The following TENM1 variants were observed in gnomAD, a reference collection of about 807,000 sequenced individuals.
The protein encoded by TENM1 is teneurin-1.
TENM1 carries 35 observed loss-of-function variants against 174.8 expected under a neutral mutation model. The ratio of observed to expected loss-of-function variants is 0.20; its 90% CI spans 0.15 to 0.27. TENM1 has a LOEUF of 0.27. TENM1 is among the 10% of genes least tolerant of loss of function. The pLI is 1.00. For synonymous variants in TENM1, 781 were observed against 798.7 expected (o/e 0.98, Z 0.37); for missense variants, 1,633 against 2,130.1 (o/e 0.77, Z 4.59).
intron 4 of TENM1, among the ~76,000 whole-genome samples, chrX:124,713,539 A>C (rs915796031): frequency 1.9e-4 from 21 of 112,335 alleles, no homozygotes; most frequent in Non-Finnish European, 3.4e-4. Context: ...AAGTGCTGGG[A>C]TTACAGGCGT....
At chrX:124,565,343 A>T (rs761903969) in intron 12 of TENM1, 32 bp downstream of exon 15, 3 of 1,103,646 alleles carry the variant, frequency 2.7e-6, no homozygotes, top group Admixed American at 2.4e-5. Flanking sequence ...AACTAATCCA[A>T]CTTACTTTGG....
chrX:125,170,244 C>G, the TENM1 span, among the ~76,000 whole-genome samples: 1 of 110,821 alleles, frequency 9.0e-6, no homozygotes, highest in Non-Finnish European at 1.9e-5. Context: ...GAGGGAGAAG[C>G]GAGTAGACAC....
the TENM1 span, among the ~76,000 whole-genome samples, chrX:125,039,825 C>CTTTTTTTTTTTTTTTTTTTTTTTTTTT: frequency 1.1e-4 from 12 of 111,385 alleles, no homozygotes; most frequent in African/African-American, 3.3e-4. Context: ...TGAGCCTTTT[C>CTTTTTTTTTTTTTTTTTTTTTTTTTTT]TTATTAACCT....
rs909258468 is a variant in TENM1 at position 124,452,442 on chromosome X, C to T, written c.4104+895G>A. Among the ~76,000 whole-genome samples, 33 of 112,099 alleles carry T rather than the reference C, an allele frequency of 2.9e-4. 1 individual carries two copies. Among genetic ancestry groups the T allele is most frequent in the African/African-American group, 1.0e-3 (32 of 30,825 alleles). On this transcript the variant is annotated intron_variant, in intron 23 of 31. Coordinates refer to ENST00000422452, the Ensembl canonical transcript of TENM1. ...TTGGTGGGACTGTCAACTGGTTCAA[C>T]CAGTGTGGAAGTCAGTGTGGTGATT... is the stretch of plus-strand genomic sequence containing the variant.
intron 6 of TENM1, among the ~76,000 whole-genome samples, chrX:124,655,879 CA>C (rs2051428283): frequency 9.0e-6 from 1 of 111,730 alleles, no homozygotes. Context: ...CCATGTGAGA[CA>C]GATCAATTTG....
the TENM1 span, among the ~76,000 whole-genome samples, chrX:125,143,871 G>C: frequency 9.0e-6 from 1 of 111,678 alleles, no homozygotes; most frequent in Non-Finnish European, 1.9e-5. Context: ...ATAATTTATA[G>C]ATTTTTATTT....
chrX:124,443,044 A>ATGTGTG (rs59365041), intron 23 of TENM1, among the ~76,000 whole-genome samples: 2,475 of 51,683 alleles, frequency 0.048, 100 homozygotes, highest in African/African-American at 0.06. Context: ...CTGGATGACT[A>ATGTGTG]TGTGTGTGTG....
Position 124,541,694 on chromosome X carries a change from C to T in TENM1, c.2651+5180G>A, listed in dbSNP as rs1193921837. Among the ~76,000 whole-genome samples, 3 of 112,413 alleles carry T rather than the reference C, an allele frequency of 2.7e-5. No individual in the cohort carries two copies. In the East Asian group the frequency reaches 8.4e-4, roughly 31 times the overall value. On this transcript the variant is annotated intron_variant, in intron 15 of 31. Coordinates refer to ENST00000422452, the Ensembl canonical transcript of TENM1. ...AAATCATAACTAAGCTACTCACTCA[C>T]TTGTTTTTCACCTACTTCATGCCAA...
At chrX:124,395,434 A>G (rs1218540789) in intron 27 of TENM1, among the ~76,000 whole-genome samples, 1 of 110,394 alleles carries the variant, frequency 9.1e-6, no homozygotes, top group Admixed American at 9.7e-5. Flanking sequence ...AAAAAAAAAA[A>G]GAAGACCTAC....
At chrX:124,533,577 C>A (rs749590415) in intron 15 of TENM1, among the ~76,000 whole-genome samples, 6 of 111,477 alleles carry the variant, frequency 5.4e-5, no homozygotes, top group Non-Finnish European at 1.1e-4. Flanking sequence ...TGGTCTGCCT[C>A]GAGGAAGCAT....
In TENM1 at chrX:124,896,180, G is replaced by A. The variant is rs5958616; in HGVS notation, c.279C>T (p.Ser93=). Residue 93 remains serine (S), a synonymous_variant, in exon 2 of 32, where the codon AGC becomes AGT. Transcript: ENST00000422452. ...CTAGCTGGTAGCCATGCCGAGAAACGCTGTGCATGTCTGTTTGGTAGCCAG... is the reference window on the plus strand; with the variant it reads ...CTAGCTGGTAGCCATGCCGAGAAACACTGTGCATGTCTGTTTGGTAGCCAG... 5.9e-3 allele frequency: 7,124 copies of A among 1,209,011 alleles called. 202 individuals are homozygous for A. In the African/African-American group the frequency reaches 0.095, roughly 16 times the overall value.
intron 3 of TENM1, among the ~76,000 whole-genome samples, chrX:124,758,676 A>G (rs1023110492): frequency 1.8e-5 from 2 of 111,756 alleles, no homozygotes; most frequent in African/African-American, 6.5e-5. Flanking sequence ...GGTGTGGCAT[A>G]TACATATGAT....
intron 1 of TENM1, among the ~76,000 whole-genome samples, chrX:124,918,885 C>A (rs1392337548): frequency 8.9e-5 from 10 of 111,768 alleles, no homozygotes; most frequent in Non-Finnish European, 3.8e-5. Context: ...GATTACAGAT[C>A]TGTTCCCATT....
chrX:125,162,170 C>CT, the TENM1 span, among the ~76,000 whole-genome samples: 1 of 111,851 alleles, frequency 8.9e-6, no homozygotes, highest in Non-Finnish European at 1.9e-5. Context: ...GCAAACTACT[C>CT]TAGATACTGT....
chrX:125,158,199 T>G, the TENM1 span, among the ~76,000 whole-genome samples: 4 of 109,414 alleles, frequency 3.7e-5, no homozygotes, highest in African/African-American at 1.0e-4. Context: ...GGTCAAGAGA[T>G]GGAGACCATC....
chrX:124,757,099 G>A (rs2054274224), intron 3 of TENM1, among the ~76,000 whole-genome samples: 1 of 112,625 alleles, frequency 8.9e-6, no homozygotes, highest in South Asian at 3.7e-4. Context: ...CCCAGAGGTG[G>A]AGCCTACAGA....
chrX:125,037,661 T>C, the TENM1 span, among the ~76,000 whole-genome samples: 1 of 111,783 alleles, frequency 8.9e-6, no homozygotes, highest in Non-Finnish European at 1.9e-5. Flanking sequence ...TCCAGTTTCA[T>C]CTATTTGTGT....
At chrX:125,156,048 A>G in the TENM1 span, among the ~76,000 whole-genome samples, 3 of 112,338 alleles carry the variant, frequency 2.7e-5, no homozygotes, top group African/African-American at 9.7e-5. Context: ...GGAGACCACA[A>G]AAAAGTAGGA....
At chrX:124,897,998 G>C (rs906185866) in intron 1 of TENM1, among the ~76,000 whole-genome samples, 25 of 112,266 alleles carry the variant, frequency 2.2e-4, no homozygotes, top group African/African-American at 8.1e-4. Context: ...CTGTGCAGTT[G>C]TTGCTACAGC....
Sources: allele counts gnomAD v4.1 joint callset (sites outside exome capture counted in the v4.1 genomes callset), GRCh38; gene constraint gnomAD v4.1.1; transcripts MANE v1.5; gene names NCBI Gene and HGNC (gene_info 2026-07-23, HGNC 2026-07-21).